Variants in SHROOM2 observed in about 807,000 individuals in gnomAD.
SHROOM2 encodes the protein protein Shroom2.
SHROOM2 carries 33 observed loss-of-function variants against 75.9 expected under a neutral mutation model. That is an observed-to-expected ratio of 0.43 (90% confidence interval 0.33 to 0.58). SHROOM2 has a LOEUF of 0.58. Ranked by LOEUF, SHROOM2 falls within the 20% of genes least tolerant of loss-of-function variation. The pLI is 0.04. For synonymous variants in SHROOM2, 655 were observed against 663.6 expected, an observed-to-expected ratio of 0.99 and a Z score of 0.20; for missense variants, 1,434 against 1,461.2, an observed-to-expected ratio of 0.98 and a Z score of 0.30.
intron 2 of SHROOM2, among the ~76,000 whole-genome samples, chrX:9,876,884 G>A (rs1053247992): frequency 1.8e-5 from 2 of 112,345 alleles, no homozygotes; most frequent in African/African-American, 6.5e-5. Context: ...GCTCACTGCA[G>A]CCTCGAACTC....
intron 1 of SHROOM2, among the ~76,000 whole-genome samples, chrX:9,820,304 C>G (rs1299473974): frequency 9.2e-6 from 1 of 108,645 alleles, no homozygotes; most frequent in Non-Finnish European, 1.9e-5. Context: ...CTCCCTCCAT[C>G]CTTTCCCACC....
At chrX:9,929,870 C>G (rs1314912508) in intron 5 of SHROOM2, among the ~76,000 whole-genome samples, 2 of 111,254 alleles carry the variant, frequency 1.8e-5, no homozygotes, top group Non-Finnish European at 3.8e-5. Context: ...CCCTGCTATT[C>G]TTGTGATAGC....
chrX:9,932,554 G>C lies in SHROOM2; in HGVS notation c.3271G>C (p.Gly1091Arg). Residue 1091 changes from glycine (G) to arginine (R), a missense_variant, in exon 6 of 10, where the codon GGC becomes CGC. Physicochemically the swap from Gly to Arg is moderately radical, Grantham distance 125. Around this residue, in one of 3 missense-constraint regions of SHROOM2, gnomAD observed 1,340 missense variants for 1,338.3 expected, o/e 1.00. Transcript: ENST00000380913. ...TGCTGACGCCCCCGTGGGCGTCCTC[G>C]GCAGGCCCTTCCCAACGCCATCCCC... ...APADAPVGVL[G>R]RPFPTPSPAS... is the part of the protein sequence containing the mutation. 8.3e-7 allele frequency: 1 copy of C among 1,211,313 alleles called. No individual in the cohort carries two copies. Among genetic ancestry groups the C allele is most frequent in the Admixed American group, 2.2e-5 (1 of 46,094 alleles).
At chrX:9,844,683 C>T (rs915816188) in intron 1 of SHROOM2, among the ~76,000 whole-genome samples, 1 of 109,391 alleles carries the variant, frequency 9.1e-6, no homozygotes, top group Non-Finnish European at 1.9e-5. Context: ...GGTGTGGTGG[C>T]GGGTACCTGT....
intron 5 of SHROOM2, among the ~76,000 whole-genome samples, chrX:9,918,343 CTT>C (rs1025611648): frequency 8.9e-6 from 1 of 112,490 alleles, no homozygotes; most frequent in African/African-American, 3.2e-5. Context: ...AAACAACAGA[CTT>C]TTATTGCTCA....
At chrX:9,824,712 G>A (rs1285772177) in intron 1 of SHROOM2, among the ~76,000 whole-genome samples, 1 of 111,957 alleles carries the variant, frequency 8.9e-6, no homozygotes, top group African/African-American at 3.2e-5. Context: ...CAGTGGATCT[G>A]TAGCCCGCTG....
chrX:9,937,690 G>C lies in SHROOM2; in HGVS notation c.4139+5G>C, dbSNP rs746701642. On this transcript the variant is annotated splice_donor_5th_base_variant and intron_variant, in intron 7 of 9. Transcript: ENST00000380913. ...TCCTAGAAGCACAGAGGAGAGGTGA[G>C]TAGGCGTGGCCTCCCAGCTTGGGCG... 9 of 1,161,603 alleles carry C rather than the reference G, an allele frequency of 7.7e-6. No individual in the cohort carries two copies. The South Asian group carries it at 1.4e-4, about 18-fold the overall frequency.
In SHROOM2 at chrX:9,935,335, T is replaced by TTATTATTATTATTATTTA. The variant is rs1160776258; in HGVS notation, c.3588-1798_3588-1797insATTATTATTATTATTTAT. On this transcript the variant is annotated intron_variant, in intron 6 of 9. Transcript: ENST00000380913. The stretch of plus-strand genomic sequence containing the variant: ...TTTATTATTATTATTATTATTATTA[T>TTATTATTATTATTATTTA]TTATTATTATTATGTTTTTAACAGA... 1.2e-3 allele frequency among the ~76,000 whole-genome samples: 114 copies of TTATTATTATTATTATTTA among 98,649 alleles called. 1 individual carries two copies. Among genetic ancestry groups the TTATTATTATTATTATTTA allele is most frequent in the African/African-American group, 4.3e-3 (109 of 25,089 alleles). 85.7% of individuals were successfully genotyped at this position (98,649 alleles called of 115,157 possible).
At chrX:9,842,735 C>A (rs2083985637) in intron 1 of SHROOM2, among the ~76,000 whole-genome samples, 1 of 112,314 alleles carries the variant, frequency 8.9e-6, no homozygotes, top group African/African-American at 3.2e-5. Flanking sequence ...AGAAAGCCAA[C>A]CTAGCTGTCC....
In SHROOM2 at chrX:9,903,211, C is replaced by T. The variant is rs776199413; in HGVS notation, c.2891+4921C>T. 3.0e-4 allele frequency among the ~76,000 whole-genome samples: 34 copies of T among 112,141 alleles called. 1 individual carries two copies. Among genetic ancestry groups the T allele is most frequent in the African/African-American group, 1.1e-3 (33 of 30,878 alleles). On this transcript the variant is annotated intron_variant, in intron 5 of 9. Coordinates refer to ENST00000380913, the MANE Select transcript of SHROOM2 (RefSeq NM_001649.4). ...GATTTATCATCCAAGCTCTCCCCCT[C>T]ATTTGTCACTTTAGGGCAGATGTTT...
chrX:9,939,538 G>C (rs2084750403), intron 8 of SHROOM2, among the ~76,000 whole-genome samples, 172 bp downstream of exon 8: 1 of 112,580 alleles, frequency 8.9e-6, no homozygotes, highest in African/African-American at 3.2e-5. Context: ...GCCCTCTGTT[G>C]TTAGTTCTAT....
At chrX:9,887,951 G>C (rs112414854) in intron 2 of SHROOM2, among the ~76,000 whole-genome samples, 1 of 113,259 alleles carries the variant, frequency 8.8e-6, no homozygotes, top group Non-Finnish European at 1.9e-5. Context: ...TTGAGCACTC[G>C]CAATGTGGCC....
At chrX:9,876,705 C>T (rs974003148) in intron 2 of SHROOM2, among the ~76,000 whole-genome samples, 3 of 112,736 alleles carry the variant, frequency 2.7e-5, no homozygotes, top group African/African-American at 6.4e-5. Flanking sequence ...AACTAGCTTG[C>T]CCAAGCCTTG....
Position 9,896,230 on chromosome X carries a change from C to T in SHROOM2, c.2322C>T (p.Leu774=). Residue 774 remains leucine, a synonymous_variant, in exon 4 of 10, where the codon CTC becomes CTT. Transcript: ENST00000380913. The part of the protein sequence containing the change: ...SEPEKMNEVG[L]TRGYSPHQHP... ...CTGAGAAGATGAACGAGGTGGGCCT[C>T]ACGAGGGGCTACAGTCCTCACCAGC... 1.7e-6 allele frequency: 2 copies of T among 1,211,900 alleles called. No homozygotes were observed. Among genetic ancestry groups the T allele is most frequent in the Non-Finnish European group, 2.2e-6 (2 of 895,559 alleles).
At chrX:9,850,831 CAAAAAA>C (rs757769302) in intron 1 of SHROOM2, among the ~76,000 whole-genome samples, 1 of 76,282 alleles carries the variant, frequency 1.3e-5, no homozygotes, top group Non-Finnish European at 2.4e-5. Flanking sequence ...GACTCTGTGT[CAAAAAA>C]AAAAAAAAAA....
intron 1 of SHROOM2, among the ~76,000 whole-genome samples, chrX:9,809,114 G>A (rs1170350071): frequency 9.6e-6 from 1 of 103,778 alleles, no homozygotes; most frequent in Non-Finnish European, 2.0e-5. Context: ...GTTCTCTAGA[G>A]AGACAGAACT....
chrX:9,789,650 C>A lies in SHROOM2; in HGVS notation c.165+2940C>A, dbSNP rs193245440. 6.1e-3 allele frequency among the ~76,000 whole-genome samples: 680 copies of A among 110,801 alleles called. 4 individuals are homozygous for A. The highest frequency in any genetic ancestry group is 0.021 in the African/African-American group (655 of 30,497). ...AAATGTCACTAGAGTGGCTTGAATT[C>A]CACAAAGCTGTTTGGGGGATTCATG... On this transcript the variant is annotated intron_variant, in intron 1 of 9. Transcript: ENST00000380913.
At chrX:9,828,111 G>A (rs2083897469) in intron 1 of SHROOM2, among the ~76,000 whole-genome samples, 3 of 112,861 alleles carry the variant, frequency 2.7e-5, no homozygotes, top group African/African-American at 9.7e-5. Flanking sequence ...GATCATGGTG[G>A]AAGGGGAATA....
At chrX:9,854,000 A>G in intron 1 of SHROOM2, among the ~76,000 whole-genome samples, 1 of 112,182 alleles carries the variant, frequency 8.9e-6, no homozygotes, top group Non-Finnish European at 1.9e-5. Flanking sequence ...TTGTGCTTTT[A>G]GGGTTAAATC....
Sources: gnomAD v4.1 joint callset for allele counts (sites outside exome capture counted in the v4.1 genomes callset) on GRCh38, gnomAD v4.1.1 for gene constraint, gnomAD v4.1.1 regional missense constraint, MANE v1.5 for transcripts, NCBI Gene and HGNC (gene_info 2026-07-23, HGNC 2026-07-21) for gene names.